GPC5: variants seen among roughly 807,000 people sequenced by gnomAD.
GPC5 encodes glypican-5.
In GPC5, 47 loss-of-function variants were observed where a neutral mutation model predicts 53.9. The ratio of observed to expected loss-of-function variants is 0.87; its 90% confidence interval spans 0.69 to 1.11. The LOEUF (loss-of-function observed/expected upper bound fraction) is 1.11. Ranked by LOEUF, GPC5 falls within the 50% of genes most tolerant of loss-of-function variation. The pLI, the probability that GPC5 is intolerant of heterozygous loss-of-function variation, is 0.00. For missense variants in GPC5, 748 were observed against 713.1 expected, an observed-to-expected ratio of 1.05 and a Z score of -0.56; for synonymous variants, 286 against 263.3, an observed-to-expected ratio of 1.09 and a Z score of -0.84.
At chr13:91,778,759 G>A (rs2037750822) in intron 5 of GPC5, among the ~76,000 whole-genome samples, 1 of 152,118 alleles carries the variant, frequency 6.6e-6, no homozygotes. Flanking sequence ...TTACAGTCAT[G>A]CGTCACTAAA....
At chr13:92,762,034 CT>C (rs530734450) in intron 7 of GPC5, among the ~76,000 whole-genome samples, 8 of 151,152 alleles carry the variant, frequency 5.3e-5, no homozygotes, top group African/African-American at 1.9e-4. Context: ...TAAGGGAGTC[CT>C]TCAAATAGAA....
At chr13:91,991,420 ATT>A (rs1169253339) in intron 6 of GPC5, among the ~76,000 whole-genome samples, 1 of 152,132 alleles carries the variant, frequency 6.6e-6, no homozygotes, top group Non-Finnish European at 1.5e-5. Flanking sequence ...AATATATCTT[ATT>A]TTCCTTCTGA....
intron 7 of GPC5, among the ~76,000 whole-genome samples, chr13:92,539,536 T>C (rs771348570): frequency 2.0e-5 from 3 of 152,090 alleles, no homozygotes; most frequent in Non-Finnish European, 2.9e-5. Context: ...TTCTTGTAAA[T>C]TTGTTTAAGT....
chr13:91,903,695 A>G (rs534615314), intron 5 of GPC5, among the ~76,000 whole-genome samples: 64 of 152,316 alleles, frequency 4.2e-4, no homozygotes, highest in African/African-American at 1.4e-3. Flanking sequence ...ACTCATAAGA[A>G]GAGTGACTCT....
intron 6 of GPC5, among the ~76,000 whole-genome samples, chr13:91,908,851 A>C (rs1262761560): frequency 4.6e-5 from 7 of 152,110 alleles, no homozygotes; most frequent in Admixed American, 4.6e-4. Context: ...TTGTATGGGT[A>C]GTTGATATTT....
At chr13:92,071,014 G>T (rs2041206810) in intron 6 of GPC5, among the ~76,000 whole-genome samples, 1 of 152,074 alleles carries the variant, frequency 6.6e-6, no homozygotes, top group Non-Finnish European at 1.5e-5. Flanking sequence ...GAGGCGGGCG[G>T]ATCACGAGGT....
intron 7 of GPC5, among the ~76,000 whole-genome samples, chr13:92,777,017 T>C (rs1300479991): frequency 1.3e-4 from 11 of 81,592 alleles, no homozygotes; most frequent in Non-Finnish European, 2.1e-4. Flanking sequence ...AGAGAGACCC[T>C]GCCTCAAAAA....
intron 2 of GPC5, among the ~76,000 whole-genome samples, chr13:91,456,477 A>C (rs1280209576): frequency 6.6e-6 from 1 of 152,042 alleles, no homozygotes; most frequent in Non-Finnish European, 1.5e-5. Context: ...AATAATCTGC[A>C]AAGTTAATAA....
At chr13:92,356,241 C>A (rs1157084108) in intron 7 of GPC5, among the ~76,000 whole-genome samples, 1 of 152,008 alleles carries the variant, frequency 6.6e-6, no homozygotes, top group Non-Finnish European at 1.5e-5. Context: ...GCAAGGTGTC[C>A]AGGGTGGCGG....
chr13:91,588,327 A>G (rs1282955291), intron 2 of GPC5, among the ~76,000 whole-genome samples: 2 of 152,148 alleles, frequency 1.3e-5, no homozygotes, highest in African/African-American at 4.8e-5. Context: ...TAGGAATTTC[A>G]GATTGTTCCA....
chr13:92,142,813 AC>A (rs1454094109), intron 6 of GPC5, among the ~76,000 whole-genome samples: 1 of 152,224 alleles, frequency 6.6e-6, no homozygotes, highest in Non-Finnish European at 1.5e-5. Flanking sequence ...TAAAGTTGAT[AC>A]GGGAAAATGT....
At position 91,450,313 on chromosome 13, in the gene GPC5, C is replaced by A. The variant is rs564333420; in HGVS notation, c.325+1391C>A. 1.4e-3 allele frequency among the ~76,000 whole-genome samples: 207 copies of A among 152,256 alleles called. 1 individual carries two copies. Among genetic ancestry groups the A allele is most frequent in the Non-Finnish European group, 2.6e-3 (176 of 68,016 alleles). The stretch of plus-strand genomic sequence containing the variant: ...ATTTAGCTGAGTTAGAAGCCGTTAA[C>A]CATCTACAGAAAATTATATTTTCTT... On this transcript the variant is annotated intron_variant, in intron 2 of 7. Transcript: ENST00000377067.
chr13:92,133,471 A>G (rs1479945021), intron 6 of GPC5, among the ~76,000 whole-genome samples: 2 of 152,146 alleles, frequency 1.3e-5, no homozygotes, highest in Non-Finnish European at 2.9e-5. Context: ...GGAAATCCAG[A>G]TTTGTTGCCA....
intron 7 of GPC5, among the ~76,000 whole-genome samples, chr13:92,464,165 A>G (rs902606984): frequency 6.6e-6 from 1 of 152,204 alleles, no homozygotes; most frequent in Non-Finnish European, 1.5e-5. Flanking sequence ...TGGAGAGACC[A>G]GGACATTTCT....
At chr13:92,776,051 A>G (rs1211945813) in intron 7 of GPC5, among the ~76,000 whole-genome samples, 38 of 152,206 alleles carry the variant, frequency 2.5e-4, no homozygotes. Flanking sequence ...GTGGCTTAAA[A>G]CAACACAGAT....
intron 7 of GPC5, among the ~76,000 whole-genome samples, chr13:92,645,491 C>A (rs1351376771): frequency 6.6e-6 from 1 of 152,104 alleles, no homozygotes; most frequent in Non-Finnish European, 1.5e-5. Context: ...TAGCATAATG[C>A]ATTTTAAAGT....
chr13:91,425,242 T>A (rs1347528312), intron 1 of GPC5, among the ~76,000 whole-genome samples: 1 of 152,212 alleles, frequency 6.6e-6, no homozygotes, highest in African/African-American at 2.4e-5. Flanking sequence ...TTCACCTTAT[T>A]TCTTTGTTTT....
intron 1 of GPC5, among the ~76,000 whole-genome samples, chr13:91,413,796 C>T (rs1323276437): frequency 1.3e-5 from 2 of 152,172 alleles, no homozygotes; most frequent in Non-Finnish European, 2.9e-5. Context: ...TTTGCGTGCT[C>T]TTTCTCCGCA....
At chr13:92,017,952 TGCACGAGTACATACACGTGCA>T in intron 6 of GPC5, among the ~76,000 whole-genome samples, 1 of 151,230 alleles carries the variant, frequency 6.6e-6, no homozygotes, top group South Asian at 2.1e-4. Context: ...CACATACACA[TGCACGAGTACATACACGTGCA>T]GCACGAGTAC....
Sources: allele counts gnomAD v4.1 joint callset (sites outside exome capture counted in the v4.1 genomes callset), GRCh38; gene constraint gnomAD v4.1.1; transcripts MANE v1.5; gene names NCBI Gene and HGNC (gene_info 2026-07-23, HGNC 2026-07-21).